The following ADCY5 variants were observed in gnomAD, a reference collection of about 807,000 sequenced individuals.
ADCY5 encodes adenylate cyclase type 5.
In ADCY5, 30 loss-of-function variants were observed where a neutral mutation model predicts 119.7. The observed-to-expected ratio is 0.25, with a 90% CI of 0.19 to 0.34. ADCY5 has a LOEUF of 0.34. Among genes scored for constraint, ADCY5 ranks in the 10% least tolerant of loss-of-function variants. The pLI, the probability that ADCY5 is intolerant of heterozygous loss-of-function variation, is 1.00. For missense variants in ADCY5, 1,324 were observed against 1,775.2 expected, an observed-to-expected ratio of 0.75 and a Z score of 4.57; for synonymous variants, 753 against 762.2, an observed-to-expected ratio of 0.99 and a Z score of 0.20.
At chr3:123,414,891 G>A (rs1167248964) in intron 1 of ADCY5, among the ~76,000 whole-genome samples, 6 of 152,190 alleles carry the variant, frequency 3.9e-5, no homozygotes, top group Non-Finnish European at 8.8e-5. Flanking sequence ...CCCTCTGGAG[G>A]ATCGACAGAT....
intron 7 of ADCY5, 30 bp downstream of exon 7, chr3:123,327,588 C>T: frequency 6.2e-7 from 1 of 1,604,120 alleles, no homozygotes; most frequent in Non-Finnish European, 8.5e-7. Context: ...GAAGGGAGCC[C>T]CTCAGCCCCC....
chr3:123,396,918 G>A (rs780880310), intron 1 of ADCY5, among the ~76,000 whole-genome samples: 23 of 152,040 alleles, frequency 1.5e-4, no homozygotes, highest in South Asian at 4.2e-4. Flanking sequence ...GCACGCCTGC[G>A]GGCACTTCAC....
chr3:123,304,549 G>A lies in ADCY5; in HGVS notation c.2443-366C>T, dbSNP rs1052223738. Among the ~76,000 whole-genome samples, 15 of 152,252 alleles carry A rather than the reference G, an allele frequency of 9.9e-5. No individual in the cohort carries two copies. The East Asian group carries it at 1.2e-3, about 12-fold the overall frequency. Reference sequence around the variant, plus strand: ...GGCGGTGGGTGGCAGCTGAGGAGTCGTGGAGGGCTCAGAATGTTCCCAGGA... The same window carrying A: ...GGCGGTGGGTGGCAGCTGAGGAGTCATGGAGGGCTCAGAATGTTCCCAGGA... On this transcript the variant is annotated intron_variant, in intron 12 of 20. Transcript: ENST00000462833.
intron 1 of ADCY5, among the ~76,000 whole-genome samples, chr3:123,394,085 G>A (rs955458824): frequency 2.8e-4 from 43 of 151,918 alleles, no homozygotes; most frequent in Non-Finnish European, 5.6e-4. Context: ...AGCCAAGATC[G>A]TGCCACTACA....
intron 5 of ADCY5, 97 bp downstream of exon 5, chr3:123,330,792 T>G: frequency 6.9e-7 from 1 of 1,454,976 alleles, no homozygotes; most frequent in Non-Finnish European, 9.2e-7. Context: ...ACCCCACTGT[T>G]TCCCTGCCTC....
At chr3:123,366,467 G>A (rs1943442276) in intron 1 of ADCY5, among the ~76,000 whole-genome samples, 1 of 152,216 alleles carries the variant, frequency 6.6e-6, no homozygotes, top group African/African-American at 2.4e-5. Context: ...ACTCTCTGTG[G>A]CTTTCAGAAA....
chr3:123,430,374 C>T (rs60248467), intron 1 of ADCY5, among the ~76,000 whole-genome samples: 42,247 of 151,974 alleles, frequency 0.28, 6,082 homozygotes, highest in African/African-American at 0.35. Flanking sequence ...TTGCCTGGCT[C>T]CCGGACACCC....
At chr3:123,405,567 G>A (rs1349987384) in intron 1 of ADCY5, among the ~76,000 whole-genome samples, 2 of 152,204 alleles carry the variant, frequency 1.3e-5, no homozygotes, top group East Asian at 1.9e-4. Context: ...TGCAAGGCCC[G>A]TGGCCTTCCC....
At chr3:123,385,872 C>T (rs1944203646) in intron 1 of ADCY5, among the ~76,000 whole-genome samples, 1 of 152,198 alleles carries the variant, frequency 6.6e-6, no homozygotes, top group South Asian at 2.1e-4. Context: ...CGTGGACAGG[C>T]TGAGAATCAT....
intron 4 of ADCY5, among the ~76,000 whole-genome samples, chr3:123,332,317 C>T (rs1279195395): frequency 2.0e-5 from 3 of 152,272 alleles, no homozygotes; most frequent in Non-Finnish European, 4.4e-5. Context: ...GGGCTCCCTA[C>T]ACTCTCGCTT....
At chr3:123,317,414 A>G (rs1049908819) in intron 11 of ADCY5, among the ~76,000 whole-genome samples, 3 of 151,216 alleles carry the variant, frequency 2.0e-5, no homozygotes, top group African/African-American at 7.3e-5. Flanking sequence ...GGGGTGGGTT[A>G]ATGGGACGAG....
intron 1 of ADCY5, among the ~76,000 whole-genome samples, chr3:123,407,801 A>G (rs923541143): frequency 1.9e-5 from 2 of 107,560 alleles, no homozygotes; most frequent in African/African-American, 7.1e-5. Context: ...AAGAAGTCAG[A>G]CACAAAAAGA....
chr3:123,322,735 T>C (rs955175773), intron 8 of ADCY5, among the ~76,000 whole-genome samples: 1 of 152,214 alleles, frequency 6.6e-6, no homozygotes, highest in African/African-American at 2.4e-5. Context: ...GCAACCTTTT[T>C]ATTAATAAAT....
At chr3:123,291,024 G>A in intron 18 of ADCY5, 89 bp downstream of exon 18, 1 of 1,468,128 alleles carries the variant, frequency 6.8e-7, no homozygotes, top group Non-Finnish European at 9.1e-7. Context: ...ATGGTAGAAG[G>A]GGGCGCCAGG....
intron 12 of ADCY5, among the ~76,000 whole-genome samples, chr3:123,307,376 C>T (rs897823118): frequency 6.6e-6 from 1 of 152,178 alleles, no homozygotes; most frequent in Non-Finnish European, 1.5e-5. Context: ...AGCTCTCACC[C>T]AGAGTGGCTA....
intron 1 of ADCY5, among the ~76,000 whole-genome samples, chr3:123,369,109 A>C (rs1024192683): frequency 5.2e-4 from 79 of 152,310 alleles, no homozygotes; most frequent in African/African-American, 1.8e-3. Flanking sequence ...GAAAGTAATA[A>C]GGATTAAAGT....
At chr3:123,358,050 C>T (rs1185632729) in intron 1 of ADCY5, among the ~76,000 whole-genome samples, 1 of 152,198 alleles carries the variant, frequency 6.6e-6, no homozygotes, top group African/African-American at 2.4e-5. Context: ...TAACAGATAT[C>T]AGTCACTCTT....
At chr3:123,363,569 A>G (rs9881942) in intron 1 of ADCY5, among the ~76,000 whole-genome samples, 67,632 of 152,168 alleles carry the variant, frequency 0.44, 16,892 homozygotes, top group East Asian at 0.69. Flanking sequence ...AAATTTAACA[A>G]TTAGGAGCAG....
rs1942864688 is a variant in ADCY5 at position 123,352,303 on chromosome 3, T to C, written c.1284+129A>G. ...CTCCAGGGGAAACATTCCCCATGGG[T>C]TGGTCCCCTCCCGGGGAGTGGGGCT... On this transcript the variant is annotated intron_variant, in intron 2 of 20. Transcript: ENST00000462833. This position sits in a 1 kb window ranked among gnomAD's most constrained non-coding sequence, Gnocchi z 4.8. 2 of 1,146,856 alleles carry C rather than the reference T, an allele frequency of 1.7e-6. No homozygotes were observed. Among genetic ancestry groups the C allele is most frequent in the African/African-American group, 3.1e-5 (2 of 64,168 alleles). 71.0% of individuals were successfully genotyped at this position (1,146,856 alleles called of 1,614,324 possible).
Sources: allele counts gnomAD v4.1 joint callset (sites outside exome capture counted in the v4.1 genomes callset), GRCh38; gene constraint gnomAD v4.1.1; non-coding constraint Gnocchi (gnomAD v3.1); transcripts MANE v1.5; gene names NCBI Gene and HGNC (gene_info 2026-07-23, HGNC 2026-07-21).